CSRNP3: variants seen among roughly 807,000 people sequenced by gnomAD.
The protein encoded by CSRNP3 is cysteine and serine rich nuclear protein 3, also known as cysteine/serine-rich nuclear protein 3.
CSRNP3 carries 12 observed loss-of-function variants against 48.0 expected under a neutral mutation model. The observed-to-expected ratio is 0.25, with a 90% CI of 0.16 to 0.41. CSRNP3 has a LOEUF of 0.41. Ranked by LOEUF, CSRNP3 falls within the 10% of genes least tolerant of loss-of-function variation. The pLI, the probability that CSRNP3 is intolerant of heterozygous loss-of-function variation, is 1.00. For missense variants in CSRNP3, 580 were observed against 724.4 expected (o/e 0.80, Z 2.29); for synonymous variants, 263 against 269.7 (o/e 0.98, Z 0.24).
intron 5 of CSRNP3, among the ~76,000 whole-genome samples, chr2:165,659,466 G>T (rs1298547091): frequency 6.6e-6 from 1 of 152,160 alleles, no homozygotes; most frequent in African/African-American, 2.4e-5. Flanking sequence ...GACAGGCTGG[G>T]GGTGGGATGT....
rs1687030128 is a variant in CSRNP3, at chr2:165,657,793, A to T, written c.181A>T (p.Arg61Trp). 6.2e-7 allele frequency: 1 copy of T among 1,614,090 alleles called. No homozygotes were observed. The highest frequency in any genetic ancestry group is 8.5e-7 in the Non-Finnish European group (1 of 1,179,962). Residue 61 changes from arginine to tryptophan, a missense_variant, in exon 5 of 7, where the codon AGG becomes TGG. This residue lies in a region of CSRNP3 where 83 missense variants were observed against 139.6 expected (regional missense o/e 0.59). Transcript: ENST00000651982. ...CATTCTCAAAAGGGAGAAACGACTG[A>T]GGACAAAGAATGTACATTTTAGTTG... Reference protein sequence around the residue: ...SSILKREKRLRTKNVHFSCVT... With the variant: ...SSILKREKRLWTKNVHFSCVT...
At chr2:165,546,816 G>A (rs1471956411) in intron 3 of CSRNP3, among the ~76,000 whole-genome samples, 1 of 152,004 alleles carries the variant, frequency 6.6e-6, no homozygotes, top group Non-Finnish European at 1.5e-5. Context: ...TTGGGATCCT[G>A]GAAAATATTA....
At chr2:165,509,480 A>C (rs115838077) in intron 2 of CSRNP3, among the ~76,000 whole-genome samples, 2,412 of 152,276 alleles carry the variant, frequency 0.016, 59 homozygotes, top group African/African-American at 0.054. Flanking sequence ...TGTGGAGATG[A>C]TGAGAAGTGG....
chr2:165,478,101 C>G (rs1683992909), intron 1 of CSRNP3, among the ~76,000 whole-genome samples: 1 of 152,140 alleles, frequency 6.6e-6, no homozygotes, highest in African/African-American at 2.4e-5. Flanking sequence ...ATTAGACCTA[C>G]TTCATCATAG....
intron 5 of CSRNP3, among the ~76,000 whole-genome samples, chr2:165,674,501 T>C (rs1244945013): frequency 1.3e-5 from 2 of 150,938 alleles, no homozygotes; most frequent in Admixed American, 6.6e-5. Flanking sequence ...ACAATACATA[T>C]GTAAAGAAAT....
At chr2:165,535,994 G>A (rs1380438695) in intron 3 of CSRNP3, among the ~76,000 whole-genome samples, 1 of 151,766 alleles carries the variant, frequency 6.6e-6, no homozygotes, top group East Asian at 1.9e-4. Context: ...AAGTTTGCAA[G>A]TAAAATCAGA....
rs58732022 is a variant in CSRNP3, at chr2:165,594,200, C to CAGTTA, written c.-23-841_-23-837dup. On this transcript the variant is annotated intron_variant, in intron 3 of 6. Transcript: ENST00000651982. ...ACCTTTCAGTTAAATACTGTACTTT[C>CAGTTA]AGTTAATGTAATTTAGCAATGTAAG... 2.3e-3 allele frequency among the ~76,000 whole-genome samples: 349 copies of CAGTTA among 152,240 alleles called. 1 individual carries two copies. Among genetic ancestry groups the CAGTTA allele is most frequent in the African/African-American group, 8.0e-3 (333 of 41,540 alleles).
At chr2:165,492,116 G>A (rs1684220670) in intron 1 of CSRNP3, among the ~76,000 whole-genome samples, 1 of 152,032 alleles carries the variant, frequency 6.6e-6, no homozygotes, top group Admixed American at 6.6e-5. Context: ...CTTCAGCCCT[G>A]TGACTTGTCA....
At chr2:165,660,567 C>T (rs894897717) in intron 5 of CSRNP3, among the ~76,000 whole-genome samples, 3 of 152,140 alleles carry the variant, frequency 2.0e-5, no homozygotes, top group Non-Finnish European at 4.4e-5. Context: ...AACTCCGAGA[C>T]ACGTGATACA....
intron 4 of CSRNP3, among the ~76,000 whole-genome samples, chr2:165,614,437 G>A (rs1388094920): frequency 1.3e-5 from 2 of 152,064 alleles, no homozygotes; most frequent in Admixed American, 1.3e-4. Flanking sequence ...TTGCCCAATT[G>A]CTATGATCAA....
intron 5 of CSRNP3, among the ~76,000 whole-genome samples, chr2:165,674,946 C>T (rs1240634112): frequency 6.6e-6 from 1 of 151,760 alleles, no homozygotes; most frequent in Admixed American, 6.6e-5. Context: ...CTCTTGGCCT[C>T]AAGCAATCTG....
intron 2 of CSRNP3, among the ~76,000 whole-genome samples, chr2:165,500,054 A>C (rs2105464487): frequency 6.6e-6 from 1 of 151,342 alleles, no homozygotes; most frequent in African/African-American, 2.4e-5. Context: ...AAAAAAAAAA[A>C]AACAGGAAAG....
chr2:165,561,941 GA>G (rs1685239778), intron 3 of CSRNP3, among the ~76,000 whole-genome samples: 1 of 152,044 alleles, frequency 6.6e-6, no homozygotes, highest in African/African-American at 2.4e-5. Flanking sequence ...GAATATACAT[GA>G]AAATTCCTTT....
chr2:165,607,109 T>C (rs992355050), intron 4 of CSRNP3, among the ~76,000 whole-genome samples: 70 of 152,272 alleles, frequency 4.6e-4, no homozygotes, highest in African/African-American at 1.6e-3. Context: ...ACAATTTCAA[T>C]TGGGATGAAA....
intron 3 of CSRNP3, among the ~76,000 whole-genome samples, chr2:165,584,093 T>G (rs1685589556): frequency 6.6e-6 from 1 of 152,182 alleles, no homozygotes; most frequent in African/African-American, 2.4e-5. Flanking sequence ...AGGATTAATT[T>G]TCTTAATTAC....
chr2:165,516,675 C>A (rs12692772), intron 2 of CSRNP3, among the ~76,000 whole-genome samples: 14,381 of 151,956 alleles, frequency 0.095, 895 homozygotes, highest in Middle Eastern at 0.14. Context: ...GTTCATCTAC[C>A]AAATCTGGGG....
chr2:165,656,534 T>G (rs1573948319), intron 4 of CSRNP3, among the ~76,000 whole-genome samples: 1 of 152,178 alleles, frequency 6.6e-6, no homozygotes, highest in African/African-American at 2.4e-5. Flanking sequence ...TATATAATTT[T>G]TATTTGTCAA....
intron 1 of CSRNP3, among the ~76,000 whole-genome samples, chr2:165,470,923 A>G (rs1322615749): frequency 2.0e-5 from 3 of 152,028 alleles, no homozygotes; most frequent in Non-Finnish European, 4.4e-5. Context: ...AATGAATCAA[A>G]ACTAATAGGA....
At chr2:165,481,403 C>T (rs768141151) in intron 1 of CSRNP3, among the ~76,000 whole-genome samples, 10 of 132,520 alleles carry the variant, frequency 7.5e-5, no homozygotes, top group Non-Finnish European at 1.6e-4. Flanking sequence ...CAGCCTCTTT[C>T]CTGGAGTGTG....
Sources: gnomAD v4.1 joint callset for allele counts (sites outside exome capture counted in the v4.1 genomes callset) on GRCh38, gnomAD v4.1.1 for gene constraint, gnomAD v4.1.1 regional missense constraint, MANE v1.5 for transcripts, NCBI Gene and HGNC (gene_info 2026-07-23, HGNC 2026-07-21) for gene names.